Variants in IFT122 observed in about 807,000 individuals in gnomAD.
The protein encoded by IFT122 is intraflagellar transport 122.
Under a neutral mutation model 161.6 loss-of-function variants are expected in IFT122, and 118 were observed. The observed-to-expected ratio is 0.73, with a 90% CI of 0.63 to 0.85. The LOEUF is 0.85. IFT122 is among the 40% of genes least tolerant of loss of function. The probability of loss-of-function intolerance (pLI) is 0.00; values close to 1 mark genes in which losing one functional copy is unlikely to be tolerated. For synonymous variants in IFT122, 550 were observed against 602.4 expected, an observed-to-expected ratio of 0.91 and a Z score of 1.27; for missense variants, 1,381 against 1,579.6, an observed-to-expected ratio of 0.87 and a Z score of 2.13.
chr3:129,454,513 T>TTGTGTGTG (rs61557048), intron 3 of IFT122, among the ~76,000 whole-genome samples: 8,416 of 131,046 alleles, frequency 0.064, 307 homozygotes, highest in African/African-American at 0.087. Flanking sequence ...GTAGTCATAT[T>TTGTGTGTG]TGTGTGTGTG....
chr3:129,486,852 T>A (rs1276886748), intron 15 of IFT122, among the ~76,000 whole-genome samples: 1 of 152,184 alleles, frequency 6.6e-6, no homozygotes, highest in African/African-American at 2.4e-5. Context: ...CAGCCTAGGA[T>A]GTGGCTGAGC....
At chr3:129,480,019 G>A (rs933838485) in intron 13 of IFT122, 97 bp downstream of exon 13, 63 of 1,455,370 alleles carry the variant, frequency 4.3e-5, no homozygotes, top group Non-Finnish European at 5.9e-5. Flanking sequence ...CTCAGGGCAG[G>A]AAAAGGGCTT....
At chr3:129,497,063 T>C (rs1224395854) in intron 18 of IFT122, among the ~76,000 whole-genome samples, 1 of 152,148 alleles carries the variant, frequency 6.6e-6, no homozygotes, top group Non-Finnish European at 1.5e-5. Flanking sequence ...GGTGGATTGC[T>C]TGAGCTCAGG....
Position 129,478,673 on chromosome 3 carries a change from T to C in IFT122, c.1350+455T>C, listed in dbSNP as rs549291442. On this transcript the variant is annotated intron_variant, in intron 12 of 29. Transcript: ENST00000348417. ...GGGAGGCTAAGGCGGGAGGAATGCTTGAACCCAGGAGTTTGAGACCTGTCC... is the reference window on the plus strand; with the variant it reads ...GGGAGGCTAAGGCGGGAGGAATGCTCGAACCCAGGAGTTTGAGACCTGTCC... 2.0e-3 allele frequency among the ~76,000 whole-genome samples: 299 copies of C among 152,248 alleles called. 1 individual carries two copies. The highest frequency in any genetic ancestry group is 6.3e-3 in the African/African-American group (261 of 41,542).
At chr3:129,495,629 C>G in intron 18 of IFT122, 22 bp downstream of exon 18, 1 of 1,613,986 alleles carries the variant, frequency 6.2e-7, no homozygotes. Flanking sequence ...TGTCCCAGGC[C>G]CAAGCTCCAG....
chr3:129,463,234 G>T, intron 5 of IFT122: 1 of 340,508 alleles, frequency 2.9e-6, no homozygotes, highest in Non-Finnish European at 5.7e-6. Context: ...TTGTTTTATC[G>T]CATGTGTAGA....
chr3:129,480,831 AC>A (rs2078551646), intron 13 of IFT122, among the ~76,000 whole-genome samples: 1 of 152,116 alleles, frequency 6.6e-6, no homozygotes, highest in African/African-American at 2.4e-5. Flanking sequence ...GCTGTCAAAA[AC>A]AGATATCATC....
At chr3:129,516,661 GAA>G (rs2108683742) in intron 26 of IFT122, among the ~76,000 whole-genome samples, 1 of 98,790 alleles carries the variant, frequency 1.0e-5, no homozygotes, top group Non-Finnish European at 1.9e-5. Context: ...CACACACACA[GAA>G]ACTGCCCCTG....
rs561069322 is a variant in IFT122 at position 129,478,687 on chromosome 3, T to C, written c.1350+469T>C. On this transcript the variant is annotated intron_variant, in intron 12 of 29. Coordinates refer to ENST00000348417, the MANE Select transcript of IFT122 (RefSeq NM_052989.3). ...GGAGGAATGCTTGAACCCAGGAGTT[T>C]GAGACCTGTCCAGCTTCCTAAAGTA... 2.6e-5 allele frequency among the ~76,000 whole-genome samples: 4 copies of C among 152,060 alleles called. No homozygotes were observed. In the South Asian group the frequency reaches 6.2e-4, roughly 24 times the overall value.
chr3:129,513,629 A>C (rs1216546319), intron 24 of IFT122: 2 of 159,780 alleles, frequency 1.3e-5, no homozygotes, highest in Non-Finnish European at 1.4e-5. Context: ...ACCCTGTGCC[A>C]TCCCCTGGGG....
chr3:129,440,460 G>A (rs1350666870), intron 1 of IFT122, 89 bp downstream of exon 1: 3 of 1,460,086 alleles, frequency 2.1e-6, no homozygotes, highest in Non-Finnish European at 2.8e-6. Context: ...GGGGGGCAGC[G>A]GGCTTGCTGC....
intron 5 of IFT122, among the ~76,000 whole-genome samples, chr3:129,462,443 G>C (rs2076298731): frequency 6.6e-6 from 1 of 152,220 alleles, no homozygotes; most frequent in African/African-American, 2.4e-5. Flanking sequence ...CCCTACTGAT[G>C]AAAAAGAGGT....
intron 17 of IFT122, among the ~76,000 whole-genome samples, chr3:129,494,314 G>A (rs1211441214): frequency 2.0e-5 from 3 of 151,950 alleles, no homozygotes; most frequent in African/African-American, 7.3e-5. Context: ...CCAAAGTGTA[G>A]GGATCACAGG....
chr3:129,499,917 G>A lies in IFT122; in HGVS notation c.2224G>A (p.Gly742Arg). ...FEYAKDFLGS[G>R]DPKETKMLIT... ...GCTTCCTCAGGATTTCCTTGGATCT[G>A]GAGACCCCAAAGAAACAAAGATGCT... Residue 742 changes from glycine (G) to arginine (R), a missense_variant, in exon 19 of 30, where the codon GGA (glycine) becomes AGA (arginine). This residue lies in a region of IFT122 where 496 missense variants were observed against 502.5 expected (regional missense o/e 0.99). Coordinates refer to ENST00000348417, the MANE Select transcript of IFT122 (RefSeq NM_052989.3). 1 of 1,614,144 alleles carries A rather than the reference G, an allele frequency of 6.2e-7. No homozygotes were observed. Among genetic ancestry groups the A allele is most frequent in the Non-Finnish European group, 8.5e-7 (1 of 1,180,006 alleles).
intron 15 of IFT122, among the ~76,000 whole-genome samples, chr3:129,484,172 G>A (rs57081612): frequency 0.13 from 19,483 of 151,912 alleles, 1,562 homozygotes; most frequent in South Asian, 0.24. Context: ...ACCAGGAGGT[G>A]GCCAGAACAG....
chr3:129,510,715 G>A (rs888637190), intron 23 of IFT122, among the ~76,000 whole-genome samples: 3 of 152,196 alleles, frequency 2.0e-5, no homozygotes, highest in Non-Finnish European at 2.9e-5. Flanking sequence ...ACCTACATGG[G>A]ACTAGGAGCT....
Position 129,515,544 on chromosome 3 carries a change from G to A in IFT122, c.3210G>A (p.Leu1070=). ...CSTNNPLLNN[L]GNVCINCRQP... ...CCAACAACCCGCTGCTCAACAACCT[G>A]GGCAACGTCTGCATCAACTGCCGCC... is the stretch of plus-strand genomic sequence containing the variant. Residue 1070 remains leucine (L), a synonymous_variant, in exon 26 of 30, where the codon CTG becomes CTA. Transcript: ENST00000348417. The A allele has an allele frequency of 6.3e-7, 1 of 1,585,466 alleles. No individual in the cohort carries two copies.
chr3:129,479,878 C>A lies in IFT122; in HGVS notation c.1444C>A (p.Pro482Thr). ...LIRYIKVIGG[P>T]PGREGLLVGL... ...TCGTTACATCAAGGTGATCGGTGGC[C>A]CTCCTGGAAGAGAAGGCCTCTTAGT... is the stretch of plus-strand genomic sequence containing the variant. The change falls in exon 13 of 30, where the codon CCT (proline) becomes ACT (threonine). Residue 482 changes from proline (P) to threonine (T), a missense_variant. Physicochemically the swap from Pro to Thr is conservative, Grantham distance 38 (BLOSUM62 -1). Transcript: ENST00000348417. The A allele has an allele frequency of 6.2e-7, 1 of 1,613,966 alleles. No individual in the cohort carries two copies. The highest frequency in any genetic ancestry group is 8.5e-7 in the Non-Finnish European group (1 of 1,180,010).
chr3:129,442,787 A>G (rs770562647), intron 1 of IFT122, among the ~76,000 whole-genome samples: 16 of 152,164 alleles, frequency 1.1e-4, no homozygotes, highest in Admixed American at 5.2e-4. Context: ...ATTACTTTCC[A>G]TGTCAAGTCG....
Sources: gnomAD v4.1 joint callset for allele counts (sites outside exome capture counted in the v4.1 genomes callset) on GRCh38, gnomAD v4.1.1 for gene constraint, gnomAD v4.1.1 regional missense constraint, MANE v1.5 for transcripts, NCBI Gene and HGNC (gene_info 2026-07-23, HGNC 2026-07-21) for gene names.